Variants in TNIK observed in about 807,000 individuals in gnomAD.
The protein encoded by TNIK is TRAF2 and NCK interacting kinase, also known as TRAF2 and NCK-interacting protein kinase.
TNIK carries 49 observed loss-of-function variants against 191.3 expected under a neutral mutation model. The ratio of observed to expected loss-of-function variants is 0.26; its 90% CI spans 0.20 to 0.32. The LOEUF (loss-of-function observed/expected upper bound fraction) is 0.32. Ranked by LOEUF, TNIK falls within the 10% of genes least tolerant of loss-of-function variation. The probability of loss-of-function intolerance (pLI) is 1.00; values close to 1 mark genes in which losing one functional copy is unlikely to be tolerated. For synonymous variants in TNIK, 594 were observed against 600.9 expected (o/e 0.99, Z 0.17); for missense variants, 1,155 against 1,702.3 (o/e 0.68, Z 5.66).
intron 28 of TNIK, among the ~76,000 whole-genome samples, chr3:171,074,487 A>G (rs1576905834): frequency 6.6e-6 from 1 of 152,150 alleles, no homozygotes; most frequent in East Asian, 1.9e-4. Flanking sequence ...AAACCTGCAT[A>G]TGTACCCCCT....
chr3:171,163,889 A>G (rs2108745660), intron 10 of TNIK, among the ~76,000 whole-genome samples: 1 of 152,314 alleles, frequency 6.6e-6, no homozygotes, highest in South Asian at 2.1e-4. Context: ...GGGAAAAAAT[A>G]TCAGGTTGAA....
intron 2 of TNIK, among the ~76,000 whole-genome samples, chr3:171,278,117 G>T (rs1248492395): frequency 6.6e-6 from 1 of 152,204 alleles, no homozygotes; most frequent in East Asian, 1.9e-4. Flanking sequence ...AACATGACAT[G>T]CCTCGAGACC....
intron 22 of TNIK, among the ~76,000 whole-genome samples, chr3:171,094,532 G>T (rs1722476598): frequency 6.6e-6 from 1 of 152,166 alleles, no homozygotes; most frequent in South Asian, 2.1e-4. Flanking sequence ...GCCAGACTGA[G>T]CAAGTGTTTG....
At chr3:171,212,135 T>C (rs1039795325) in intron 3 of TNIK, among the ~76,000 whole-genome samples, 1 of 152,158 alleles carries the variant, frequency 6.6e-6, no homozygotes, top group Admixed American at 6.5e-5. Context: ...AGATGTGACA[T>C]TATCATGACC....
At chr3:171,361,339 A>G (rs1363805329) in intron 2 of TNIK, among the ~76,000 whole-genome samples, 3 of 152,228 alleles carry the variant, frequency 2.0e-5, no homozygotes, top group African/African-American at 7.2e-5. Context: ...CCCTGTATCA[A>G]GTTTTGGTAG....
At chr3:171,170,595 T>C (rs188105987) in intron 9 of TNIK, among the ~76,000 whole-genome samples, 2 of 152,312 alleles carry the variant, frequency 1.3e-5, no homozygotes, top group African/African-American at 2.4e-5. Flanking sequence ...GATAAGTGAA[T>C]TAATTCATGT....
At chr3:171,140,284 G>T in intron 13 of TNIK, 115 bp downstream of exon 13, 1 of 812,510 alleles carries the variant, frequency 1.2e-6, no homozygotes, top group Non-Finnish European at 1.9e-6. Context: ...GCTTGAGGAA[G>T]AGTAAAAACC....
chr3:171,272,637 T>G (rs1344428005), intron 2 of TNIK, among the ~76,000 whole-genome samples: 1 of 152,254 alleles, frequency 6.6e-6, no homozygotes, highest in Non-Finnish European at 1.5e-5. Flanking sequence ...TGCTTTGTCT[T>G]GCATTTTCAT....
intron 7 of TNIK, among the ~76,000 whole-genome samples, chr3:171,187,181 G>T (rs1431494521): frequency 6.6e-6 from 1 of 152,154 alleles, no homozygotes; most frequent in Non-Finnish European, 1.5e-5. Context: ...TTGAAGAATT[G>T]CTTGTAGCTA....
Position 171,403,487 on chromosome 3 carries a change from G to A in TNIK, c.58-33802C>T, listed in dbSNP as rs138340914. Among the ~76,000 whole-genome samples, 708 of 152,114 alleles carry A rather than the reference G, an allele frequency of 4.7e-3. 4 individuals carry two copies. Among genetic ancestry groups the A allele is most frequent in the East Asian group, 0.013 (66 of 5,164 alleles). On this transcript the variant is annotated intron_variant, in intron 1 of 32. Transcript: ENST00000436636. Reference sequence around the variant, plus strand: ...AAATTAGTTGGGCGTGGTGGCACACGCCTGTAATCCCAGCTACTCCAGAGG... The same window carrying A: ...AAATTAGTTGGGCGTGGTGGCACACACCTGTAATCCCAGCTACTCCAGAGG...
At chr3:171,329,234 CAAAT>C (rs1756144741) in intron 2 of TNIK, among the ~76,000 whole-genome samples, 3 of 152,112 alleles carry the variant, frequency 2.0e-5, no homozygotes, top group Admixed American at 6.5e-5. Flanking sequence ...ACTAAGTGCT[CAAAT>C]AAATGTTATT....
intron 17 of TNIK, among the ~76,000 whole-genome samples, 189 bp from the exon 18 acceptor site, chr3:171,123,891 C>CA (rs1351700539): frequency 6.6e-6 from 1 of 151,986 alleles, no homozygotes; most frequent in Non-Finnish European, 1.5e-5. Context: ...GGTCTACTGG[C>CA]AAAAAACAAT....
At chr3:171,388,128 C>T (rs1434605999) in intron 1 of TNIK, among the ~76,000 whole-genome samples, 1 of 152,126 alleles carries the variant, frequency 6.6e-6, no homozygotes. Flanking sequence ...TGGTGATTTC[C>T]ATATATCCTA....
chr3:171,414,786 T>C (rs988303732), intron 1 of TNIK, among the ~76,000 whole-genome samples: 1 of 152,262 alleles, frequency 6.6e-6, no homozygotes, highest in Non-Finnish European at 1.5e-5. Flanking sequence ...TAGTATCACC[T>C]TGGAGATATA....
intron 2 of TNIK, among the ~76,000 whole-genome samples, chr3:171,365,516 T>C (rs1442767896): frequency 2.0e-5 from 3 of 152,056 alleles, no homozygotes; most frequent in Non-Finnish European, 4.4e-5. Context: ...GAATATTTAA[T>C]TTTAAATTTT....
chr3:171,068,886 C>G lies in TNIK; in HGVS notation c.3661G>C (p.Asp1221His). 6.2e-7 allele frequency: 1 copy of G among 1,613,732 alleles called. No homozygotes were observed. The highest frequency in any genetic ancestry group is 1.1e-5 in the South Asian group (1 of 91,036). Residue 1221 changes from aspartate (D) to histidine (H), a missense_variant, in exon 30 of 33, where the codon GAT becomes CAT. Asp to His is a moderately conservative substitution (Grantham distance 81). Coordinates refer to ENST00000436636, the MANE Select transcript of TNIK (RefSeq NM_015028.4). ...TAGATATCATAAGAGTTTCCTGAATCAACATCAATTACATGGAAACCAGTG... is the reference window on the plus strand; with the variant it reads ...TAGATATCATAAGAGTTTCCTGAATGAACATCAATTACATGGAAACCAGTG... ...SHTGFHVIDV[D>H]SGNSYDIYIP...
At chr3:171,308,832 A>T (rs890403357) in intron 2 of TNIK, among the ~76,000 whole-genome samples, 1 of 152,154 alleles carries the variant, frequency 6.6e-6, no homozygotes, top group African/African-American at 2.4e-5. Flanking sequence ...GAGAAATGCA[A>T]ACCAAAACCA....
At chr3:171,222,230 A>G (rs186584076) in intron 3 of TNIK, among the ~76,000 whole-genome samples, 2 of 152,246 alleles carry the variant, frequency 1.3e-5, no homozygotes, top group East Asian at 3.9e-4. Flanking sequence ...ATGTCTGTGG[A>G]GAGTGTGGGT....
intron 1 of TNIK, among the ~76,000 whole-genome samples, chr3:171,451,876 T>A (rs956068794): frequency 3.9e-5 from 6 of 152,166 alleles, no homozygotes; most frequent in Non-Finnish European, 5.9e-5. Context: ...CCCCTACAGT[T>A]AATCACATTT....
Sources: gnomAD v4.1 joint callset for allele counts (sites outside exome capture counted in the v4.1 genomes callset) on GRCh38, gnomAD v4.1.1 for gene constraint, MANE v1.5 for transcripts, NCBI Gene and HGNC (gene_info 2026-07-23, HGNC 2026-07-21) for gene names.